Variants in LRP1B observed in about 807,000 individuals in gnomAD.
LRP1B encodes low-density lipoprotein receptor-related protein 1B.
Under a neutral mutation model 556.6 loss-of-function variants are expected in LRP1B, and 217 were observed. The observed-to-expected ratio is 0.39, with a 90% CI of 0.35 to 0.44. The LOEUF (loss-of-function observed/expected upper bound fraction) is 0.44, where lower values mean the gene tolerates loss of function less well. Among genes scored for constraint, LRP1B ranks in the 20% least tolerant of loss-of-function variants. LRP1B has a pLI of 1.00. For missense variants in LRP1B, 5,053 were observed against 5,620.8 expected, an observed-to-expected ratio of 0.90 and a Z score of 3.23; for synonymous variants, 2,047 against 1,865.8, an observed-to-expected ratio of 1.10 and a Z score of -2.50.
intron 66 of LRP1B, among the ~76,000 whole-genome samples, chr2:140,404,045 A>G (rs191625220): frequency 2.0e-5 from 3 of 152,306 alleles, no homozygotes; most frequent in East Asian, 3.9e-4. Flanking sequence ...AAGGAAAAAT[A>G]AAATCATTTT....
chr2:141,211,555 T>C (rs1454231342), intron 6 of LRP1B, among the ~76,000 whole-genome samples: 1 of 152,108 alleles, frequency 6.6e-6, no homozygotes, highest in East Asian at 2.0e-4. Context: ...AGGCAGAGGT[T>C]GCAGTGAGCC....
chr2:140,957,748 T>C (rs938183377), intron 18 of LRP1B, among the ~76,000 whole-genome samples: 3 of 151,498 alleles, frequency 2.0e-5, no homozygotes, highest in African/African-American at 7.3e-5. Context: ...CTGTAATCTA[T>C]CTAGATGCCT....
intron 41 of LRP1B, among the ~76,000 whole-genome samples, chr2:140,636,878 C>T (rs1037016501): frequency 1.3e-5 from 2 of 152,100 alleles, no homozygotes; most frequent in African/African-American, 4.8e-5. Context: ...TTTATTACTT[C>T]AGAGGGAAAA....
chr2:140,373,236 G>T (rs1683071969), intron 68 of LRP1B, 99 bp from the exon 69 acceptor site: 3 of 959,372 alleles, frequency 3.1e-6, no homozygotes, highest in Middle Eastern at 2.3e-4. Flanking sequence ...ACCTGGAACT[G>T]ATCCTGGAAC....
At chr2:141,573,075 A>G (rs1054019932) in intron 2 of LRP1B, among the ~76,000 whole-genome samples, 9 of 152,210 alleles carry the variant, frequency 5.9e-5, no homozygotes, top group Non-Finnish European at 1.2e-4. Flanking sequence ...CAAGACTTAA[A>G]CTCAGCTCTA....
At chr2:140,947,396 G>A (rs1695577365) in intron 20 of LRP1B, among the ~76,000 whole-genome samples, 1 of 152,180 alleles carries the variant, frequency 6.6e-6, no homozygotes, top group Non-Finnish European at 1.5e-5. Context: ...TCCATGCAGT[G>A]TAAAGCAAAG....
chr2:140,267,575 C>T (rs992883688), intron 86 of LRP1B, among the ~76,000 whole-genome samples: 1 of 151,886 alleles, frequency 6.6e-6, no homozygotes, highest in Non-Finnish European at 1.5e-5. Flanking sequence ...AAAATTGTGT[C>T]CGTGCTGAGC....
intron 86 of LRP1B, among the ~76,000 whole-genome samples, chr2:140,268,106 C>G (rs1245699772): frequency 6.6e-6 from 1 of 151,808 alleles, no homozygotes; most frequent in Non-Finnish European, 1.5e-5. Context: ...AGGGGCAGGA[C>G]AAATGAAGAC....
chr2:141,107,316 G>C (rs1700630364), intron 7 of LRP1B, among the ~76,000 whole-genome samples: 1 of 152,072 alleles, frequency 6.6e-6, no homozygotes, highest in Non-Finnish European at 1.5e-5. Flanking sequence ...AAAAATTTTA[G>C]TATCCATCTT....
intron 45 of LRP1B, among the ~76,000 whole-genome samples, chr2:140,539,364 G>C (rs1680048549): frequency 6.6e-6 from 1 of 152,042 alleles, no homozygotes; most frequent in Non-Finnish European, 1.5e-5. Flanking sequence ...CTCTCTGCTG[G>C]GCTACAGGAT....
At chr2:141,039,913 A>G (rs1698646598) in intron 11 of LRP1B, among the ~76,000 whole-genome samples, 1 of 152,150 alleles carries the variant, frequency 6.6e-6, no homozygotes, top group Non-Finnish European at 1.5e-5. Context: ...ATATATATTT[A>G]CAGACTAAAT....
intron 35 of LRP1B, among the ~76,000 whole-genome samples, chr2:140,760,466 A>T (rs1688879466): frequency 6.6e-6 from 1 of 152,214 alleles, no homozygotes; most frequent in African/African-American, 2.4e-5. Flanking sequence ...CAACTAAGTC[A>T]AATTATCAGT....
At chr2:140,572,635 A>G (rs1574092832) in intron 43 of LRP1B, among the ~76,000 whole-genome samples, 1 of 151,744 alleles carries the variant, frequency 6.6e-6, no homozygotes, top group African/African-American at 2.4e-5. Context: ...GCTTATATCC[A>G]TGGGAAAGAA....
intron 41 of LRP1B, among the ~76,000 whole-genome samples, chr2:140,687,413 C>T (rs1312796623): frequency 6.6e-6 from 1 of 152,134 alleles, no homozygotes; most frequent in Non-Finnish European, 1.5e-5. Flanking sequence ...ATCTAAGCCA[C>T]ATAGTATGCT....
At chr2:140,810,229 A>C (rs1247697710) in intron 32 of LRP1B, among the ~76,000 whole-genome samples, 2 of 152,150 alleles carry the variant, frequency 1.3e-5, no homozygotes, top group Non-Finnish European at 2.9e-5. Flanking sequence ...CTTTAGTATA[A>C]ACTACTCTTA....
intron 26 of LRP1B, 109 bp from the exon 27 acceptor site, chr2:140,867,943 T>C (rs1318034016): frequency 7.6e-7 from 1 of 1,322,036 alleles, no homozygotes; most frequent in East Asian, 2.5e-5. Context: ...ATAAATATTT[T>C]TATGGGTCTG....
chr2:140,398,164 C>CT (rs915146206), intron 66 of LRP1B, among the ~76,000 whole-genome samples: 65 of 151,802 alleles, frequency 4.3e-4, no homozygotes, highest in African/African-American at 1.1e-3. Context: ...GTTAGCAAAT[C>CT]TTTTTTTTGA....
chr2:140,956,242 C>T (rs1046000733), intron 18 of LRP1B, among the ~76,000 whole-genome samples: 1 of 151,688 alleles, frequency 6.6e-6, no homozygotes, highest in South Asian at 2.1e-4. Flanking sequence ...AACAGTATAT[C>T]CTGCCTAAGG....
chr2:141,328,999 A>G lies in LRP1B; in HGVS notation c.344-74358T>C, dbSNP rs1573812632. On this transcript the variant is annotated intron_variant, in intron 3 of 90. Transcript: ENST00000389484. ...TCTTTATTAGCAATACAAAAGGGTCATGTCAGCAATCTCTGAAATTTTCAA... is the reference window on the plus strand; with the variant it reads ...TCTTTATTAGCAATACAAAAGGGTCGTGTCAGCAATCTCTGAAATTTTCAA... Among the ~76,000 whole-genome samples the G allele has an allele frequency of 2.0e-5, 3 of 152,334 alleles. No individual in the cohort carries two copies. In the East Asian group the frequency reaches 5.8e-4, roughly 29 times the overall value.
Sources: allele counts gnomAD v4.1 joint callset (sites outside exome capture counted in the v4.1 genomes callset), GRCh38; gene constraint gnomAD v4.1.1; transcripts MANE v1.5; gene names NCBI Gene and HGNC (gene_info 2026-07-23, HGNC 2026-07-21).